Variants in ATP4A observed in about 807,000 individuals in gnomAD.
ATP4A encodes the protein potassium-transporting ATPase alpha chain 1.
Under a neutral mutation model 112.1 loss-of-function variants are expected in ATP4A, and 73 were observed. The ratio of observed to expected loss-of-function variants is 0.65; its 90% CI spans 0.54 to 0.79. The LOEUF (loss-of-function observed/expected upper bound fraction) is 0.79. Among genes scored for constraint, ATP4A ranks in the 30% least tolerant of loss-of-function variants. The probability of loss-of-function intolerance (pLI) is 0.00; values close to 1 mark genes in which losing one functional copy is unlikely to be tolerated. For synonymous variants in ATP4A, 588 were observed against 588.9 expected (o/e 1.00, Z 0.02); for missense variants, 1,081 against 1,425.9 (o/e 0.76, Z 3.90).
Position 35,551,358 on chromosome 19 carries a change from C to A in ATP4A, c.2885+89G>T. On this transcript the variant is annotated intron_variant, in intron 19 of 21. Coordinates refer to ENST00000262623, the MANE Select transcript of ATP4A (RefSeq NM_000704.3). The surrounding 1 kb of genome is among the most constrained non-coding windows in gnomAD (Gnocchi z 5.2). ...ACCATCTGGCACTGGCACCCGCTGG[C>A]ATTTGCCGGCTGTTCTAAACCACAG... is the stretch of plus-strand genomic sequence containing the variant. 6.3e-7 allele frequency: 1 copy of A among 1,593,484 alleles called. No homozygotes were observed. The highest frequency in any genetic ancestry group is 8.6e-7 in the Non-Finnish European group (1 of 1,167,418).
Position 35,557,036 on chromosome 19 carries a change from G to T in ATP4A, c.1746C>A (p.Phe582Leu). The T allele has an allele frequency of 6.2e-7, 1 of 1,614,196 alleles. No homozygotes were observed. The highest frequency in any genetic ancestry group is 8.5e-7 in the Non-Finnish European group (1 of 1,180,032). ...NEKDYPPGYA[F>L]DVEAMNFPSS... ...ATGGAAAGTTCATGGCCTCTACGTC[G>T]AAGGCATAGCCAGGCGGGTAGTCCT... Residue 582 changes from phenylalanine to leucine, a missense_variant, in exon 12 of 22, where the codon TTC (phenylalanine) becomes TTA (leucine). Physicochemically the swap from Phe to Leu is conservative, Grantham distance 22. Transcript: ENST00000262623. The surrounding 1 kb of genome is among the most constrained non-coding windows in gnomAD (Gnocchi z 4.4).
intron 4 of ATP4A, 133 bp from the exon 5 acceptor site, chr19:35,561,065 G>T: frequency 1.4e-6 from 1 of 702,050 alleles, no homozygotes; most frequent in Non-Finnish European, 2.5e-6. Context: ...GAAGCTCCAT[G>T]CACCATTCCC....
Position 35,559,333 on chromosome 19 carries a change from G to T in ATP4A, c.1057-142C>A. The T allele has an allele frequency of 1.1e-6, 1 of 870,140 alleles. No individual in the cohort carries two copies. The highest frequency in any genetic ancestry group is 1.8e-6 in the Non-Finnish European group (1 of 562,492). The allele number at this position is 870,140 out of a possible 1,614,324, so 53.9% of individuals were successfully genotyped here. ...TTCTGCAAACACCAGGTGTTTTCTT[G>T]GCCCCAGCTTTTGTTCAGCCAGTGC... is the stretch of plus-strand genomic sequence containing the variant. On this transcript the variant is annotated intron_variant, in intron 7 of 21. Transcript: ENST00000262623. This position sits in a 1 kb window ranked among gnomAD's most constrained non-coding sequence, Gnocchi z 4.1.
rs2071660423 is a variant in ATP4A, at chr19:35,560,236, G to A, written c.787+127C>T. The A allele has an allele frequency of 5.2e-6, 8 of 1,534,474 alleles. No homozygotes were observed. The South Asian group carries it at 8.6e-5, about 17-fold the overall frequency. On this transcript the variant is annotated intron_variant, in intron 6 of 21. Transcript: ENST00000262623. This position sits in a 1 kb window ranked among gnomAD's most constrained non-coding sequence, Gnocchi z 5.1. The stretch of plus-strand genomic sequence containing the variant: ...AGCAGTGTGCCCTGGGGAGGTGGCA[G>A]TCACGGGGAGGTGGCAGTCATGCAG...
rs757172998 is a variant in ATP4A at position 35,555,084 on chromosome 19, G to A, written c.2327-8C>T. ...TGTCGAAGATCAGTCGACCTGTGGG[G>A]TAGGGTGGGCACCTCAGCCTCCTCA... is the stretch of plus-strand genomic sequence containing the variant. On this transcript the variant is annotated splice_polypyrimidine_tract_variant and splice_region_variant and intron_variant, in intron 15 of 21. Coordinates refer to ENST00000262623, the MANE Select transcript of ATP4A (RefSeq NM_000704.3). This position sits in a 1 kb window ranked among gnomAD's most constrained non-coding sequence, Gnocchi z 6.6. The A allele has an allele frequency of 5.0e-6, 8 of 1,613,036 alleles. No individual in the cohort carries two copies. The highest frequency in any genetic ancestry group is 1.7e-5 in the Admixed American group (1 of 59,962).
In ATP4A at chr19:35,558,446, C is replaced by A. The variant is rs951197574; in HGVS notation, c.1416G>T (p.Glu472Asp). The change falls in exon 10 of 22, where the codon GAG (glutamate) becomes GAT (aspartate). Residue 472 changes from glutamate (E) to aspartate (D), a missense_variant. Physicochemically the swap from Glu to Asp is conservative, Grantham distance 45. Transcript: ENST00000262623. This position sits in a 1 kb window ranked among gnomAD's most constrained non-coding sequence, Gnocchi z 5.1. ...ASETALLKFS[E>D]LTLGNAMGYR... ...AGCCCATGGCGTTGCCCAGCGTCAG[C>A]TCCGAGAACTTGAGCAGCGCCGTCT... 8 of 1,604,946 alleles carry A rather than the reference C, an allele frequency of 5.0e-6. No homozygotes were observed. Among genetic ancestry groups the A allele is most frequent in the Non-Finnish European group, 6.8e-6 (8 of 1,176,294 alleles).
chr19:35,558,741 C>G lies in ATP4A; in HGVS notation c.1256-55G>C. ...GCACGGCGGCTCTCCCGGACCAGAA[C>G]CGAGCCCCCTCCTCCTAGGCTCATA... On this transcript the variant is annotated intron_variant, in intron 8 of 21. Transcript: ENST00000262623. This position sits in a 1 kb window ranked among gnomAD's most constrained non-coding sequence, Gnocchi z 5.1. The G allele has an allele frequency of 6.6e-7, 1 of 1,507,018 alleles. No individual in the cohort carries two copies. 93.4% of individuals were successfully genotyped at this position (1,507,018 alleles called of 1,614,324 possible).
intron 4 of ATP4A, among the ~76,000 whole-genome samples, chr19:35,561,486 C>T (rs1419244291): frequency 1.3e-5 from 2 of 152,054 alleles, no homozygotes; most frequent in African/African-American, 4.8e-5. Flanking sequence ...GGCCACGGCC[C>T]CCATGTTCTA....
At position 35,560,604 on chromosome 19, in the gene ATP4A, G is replaced by A. The variant is rs1168631034; in HGVS notation, c.546C>T (p.Val182=). 1 of 1,601,134 alleles carries A rather than the reference G, an allele frequency of 6.2e-7. No homozygotes were observed. The highest frequency in any genetic ancestry group is 8.5e-7 in the Non-Finnish European group (1 of 1,172,852). The change falls in exon 6 of 22, where the codon GTC becomes GTT. Residue 182 remains valine, a synonymous_variant. Transcript: ENST00000262623. This position sits in a 1 kb window ranked among gnomAD's most constrained non-coding sequence, Gnocchi z 5.1. ...FKNLVPQQAT[V]IRDGDKFQIN... ...TCTGGAATTTGTCTCCATCGCGGAT[G>A]ACAGTGGCTTGCTGCGGGGCAGGGG...
At chr19:35,553,310 G>A in intron 17 of ATP4A, 128 bp from the exon 18 acceptor site, 1 of 1,114,234 alleles carries the variant, frequency 9.0e-7, no homozygotes, top group Non-Finnish European at 1.3e-6. Context: ...AGGGACACGG[G>A]AAGAGAGACA....
rs2071667765 is a variant in ATP4A at position 35,560,989 on chromosome 19, G to A, written c.421-57C>T. 2 of 1,443,912 alleles carry A rather than the reference G, an allele frequency of 1.4e-6. No individual in the cohort carries two copies. Among genetic ancestry groups the A allele is most frequent in the Non-Finnish European group, 1.9e-6 (2 of 1,027,184 alleles). The allele number at this position is 1,443,912 out of a possible 1,614,324, so 89.4% of individuals were successfully genotyped here. ...AGGGGCCGGAAGCTGCCTGCCTGAGGCCACCGACCTGCTCCCTGGTGCCCT... is the reference window on the plus strand; with the variant it reads ...AGGGGCCGGAAGCTGCCTGCCTGAGACCACCGACCTGCTCCCTGGTGCCCT... On this transcript the variant is annotated intron_variant, in intron 4 of 21. Coordinates refer to ENST00000262623, the MANE Select transcript of ATP4A (RefSeq NM_000704.3). The surrounding 1 kb of genome is among the most constrained non-coding windows in gnomAD (Gnocchi z 5.1).
rs372412375 is a variant in ATP4A, at chr19:35,563,477, G to A, written c.63C>T (p.Asp21=). 1.2e-6 allele frequency: 2 copies of A among 1,613,604 alleles called. No individual in the cohort carries two copies. The highest frequency in any genetic ancestry group is 1.7e-6 in the Non-Finnish European group (2 of 1,179,934). Residue 21 remains aspartate (D), a synonymous_variant, in exon 2 of 22, where the codon GAC becomes GAT. Coordinates refer to ENST00000262623, the MANE Select transcript of ATP4A (RefSeq NM_000704.3). ...TCTTCTTGCTCATCTTGGCAGCCAT[G>A]TCCCCGCCAGGGCCAGGACCCAGCT... ...SVELGPGPGG[D]MAAKMSKKKK...
Position 35,558,294 on chromosome 19 carries a change from T to G in ATP4A, c.1500+68A>C. On this transcript the variant is annotated intron_variant, in intron 10 of 21. Coordinates refer to ENST00000262623, the MANE Select transcript of ATP4A (RefSeq NM_000704.3). The surrounding 1 kb of genome is among the most constrained non-coding windows in gnomAD (Gnocchi z 5.1). ...AGCGAAGCCCCTCGTGGCCCGCTGA[T>G]GTGGGTGTGGCCTGGGGCGGGGCCC... is the stretch of plus-strand genomic sequence containing the variant. The G allele has an allele frequency of 2.0e-6, 3 of 1,527,378 alleles. No homozygotes were observed. The highest frequency in any genetic ancestry group is 1.8e-6 in the Non-Finnish European group (2 of 1,132,152). 94.6% of individuals were successfully genotyped at this position (1,527,378 alleles called of 1,614,324 possible).
intron 4 of ATP4A, among the ~76,000 whole-genome samples, chr19:35,561,152 G>A (rs946845269): frequency 6.6e-6 from 1 of 151,898 alleles, no homozygotes; most frequent in African/African-American, 2.4e-5. Flanking sequence ...TTGTGTTTCT[G>A]TGTATATTTC....
Position 35,550,895 on chromosome 19 carries a change from G to T in ATP4A, c.3018C>A (p.Tyr1006Ter). 6.2e-7 allele frequency: 1 copy of T among 1,614,184 alleles called. No homozygotes were observed. Among genetic ancestry groups the T allele is most frequent in the South Asian group, 1.1e-5 (1 of 91,088 alleles). Residue 1006 changes from tyrosine (Y) to a stop codon, truncating the protein, a stop_gained, in exon 21 of 22, where the codon TAC (tyrosine) becomes TAA (stop). Coordinates refer to ENST00000262623, the MANE Select transcript of ATP4A (RefSeq NM_000704.3). LOFTEE classifies it high-confidence loss of function. This position sits in a 1 kb window ranked among gnomAD's most constrained non-coding sequence, Gnocchi z 4.1. Reference protein sequence around the residue: ...RFQWWLVPLPYGILIFVYDEI... With the variant: ...RFQWWLVPLP ...CATCATAGACGAAGATGAGGATGCC[G>T]TAGGGCAGGGGGACCAGCCACCACT...
chr19:35,555,635 C>A lies in ATP4A; in HGVS notation c.2006+41G>T. Reference sequence around the variant, plus strand: ...ACCTCGCTGGGACCTCGGTCTGTGCCAGATGTGGGGAGAACCCCGGGGAGG... The same window carrying A: ...ACCTCGCTGGGACCTCGGTCTGTGCAAGATGTGGGGAGAACCCCGGGGAGG... On this transcript the variant is annotated intron_variant, in intron 13 of 21. Transcript: ENST00000262623. This position sits in a 1 kb window ranked among gnomAD's most constrained non-coding sequence, Gnocchi z 6.6. The A allele has an allele frequency of 6.3e-7, 1 of 1,584,876 alleles. No homozygotes were observed. Among genetic ancestry groups the A allele is most frequent in the South Asian group, 1.1e-5 (1 of 88,416 alleles).
chr19:35,563,445 G>T lies in ATP4A; in HGVS notation c.95C>A (p.Ala32Glu), dbSNP rs140993241. The change falls in exon 2 of 22, where the codon GCG (alanine) becomes GAG (glutamate). Residue 32 changes from alanine to glutamate, a missense_variant. Physicochemically the swap from Ala to Glu is moderately radical, Grantham distance 107 (BLOSUM62 -1). This residue lies in a region of ATP4A where 850 missense variants were observed against 1,068.2 expected (regional missense o/e 0.80). Coordinates refer to ENST00000262623, the MANE Select transcript of ATP4A (RefSeq NM_000704.3). The part of the protein sequence containing the change: ...MAAKMSKKKK[A>E]GGGGGKRKEK... ...CTTCCTCTTGCCACCCCCGCCACCC[G>T]CCTTCTTCTTCTTGCTCATCTTGGC... The T allele has an allele frequency of 1.2e-4, 166 of 1,351,980 alleles. No individual in the cohort carries two copies. The highest frequency in any genetic ancestry group is 1.4e-4 in the Non-Finnish European group (140 of 1,001,368). The allele number at this position is 1,351,980 out of a possible 1,614,324, so 83.7% of individuals were successfully genotyped here.
chr19:35,563,067 C>T (rs1274239671), intron 3 of ATP4A, 142 bp downstream of exon 3: 1 of 805,586 alleles, frequency 1.2e-6, no homozygotes, highest in Non-Finnish European at 1.9e-6. Context: ...TCCTTTTCTG[C>T]CTCCCTCCCT....
At chr19:35,553,266 GAC>G in intron 17 of ATP4A, 84 bp from the exon 18 acceptor site, 1 of 1,471,766 alleles carries the variant, frequency 6.8e-7, no homozygotes, top group Non-Finnish European at 9.2e-7. Flanking sequence ...GAGAGACAGG[GAC>G]ACAGATACAC....
Sources: gnomAD v4.1 joint callset for allele counts (sites outside exome capture counted in the v4.1 genomes callset) on GRCh38, gnomAD v4.1.1 for gene constraint, gnomAD v4.1.1 regional missense constraint, Gnocchi (gnomAD v3.1) non-coding constraint, MANE v1.5 for transcripts, NCBI Gene and HGNC (gene_info 2026-07-23, HGNC 2026-07-21) for gene names.